NOMO3: variants seen among roughly 807,000 people sequenced by gnomAD.
NOMO3 encodes the protein BOS complex subunit NOMO3.
Under a neutral mutation model 69.9 loss-of-function variants are expected in NOMO3, and 15 were observed. The observed-to-expected ratio is 0.21, with a 90% confidence interval of 0.14 to 0.33. The LOEUF (loss-of-function observed/expected upper bound fraction) is 0.33, where lower values mean the gene tolerates loss of function less well. Ranked by LOEUF, NOMO3 falls within the 10% of genes least tolerant of loss-of-function variation. NOMO3 has a pLI of 1.00. For synonymous variants in NOMO3, 89 were observed against 301.9 expected, an observed-to-expected ratio of 0.29 and a Z score of 7.31; for missense variants, 218 against 761.0, an observed-to-expected ratio of 0.29 and a Z score of 8.39.
intron 6 of NOMO3, among the ~76,000 whole-genome samples, chr16:16,248,789 A>G (rs2606843): frequency 3.5e-4 from 53 of 150,514 alleles, no homozygotes; most frequent in African/African-American, 1.3e-3. Context: ...GAAAAATTAT[A>G]AAGACATGTA....
chr16:16,236,455 C>T (rs1488673192), intron 1 of NOMO3, among the ~76,000 whole-genome samples: 1 of 143,014 alleles, frequency 7.0e-6, no homozygotes, highest in Non-Finnish European at 1.5e-5. Flanking sequence ...ACCTTGTTGG[C>T]CAGGCTGGTC....
chr16:16,235,446 C>A lies in NOMO3; in HGVS notation c.166-1455C>A, dbSNP rs529099696. 4.1e-4 allele frequency among the ~76,000 whole-genome samples: 61 copies of A among 149,254 alleles called. 7 individuals are homozygous for A. Among genetic ancestry groups the A allele is most frequent in the African/African-American group, 1.5e-3 (60 of 38,958 alleles). ...AGCCCAGTATGTTCCCTACGTATTA[C>A]ACTGTGTTGCCTTTTTCTTCAGAGA... On this transcript the variant is annotated intron_variant, in intron 1 of 30. Coordinates refer to ENST00000399336, the MANE Select transcript of NOMO3 (RefSeq NM_001004067.4).
chr16:16,238,234 CTTT>C (rs539081532), intron 2 of NOMO3, among the ~76,000 whole-genome samples: 4 of 122,480 alleles, frequency 3.3e-5, no homozygotes, highest in Non-Finnish European at 4.9e-5. Context: ...GATCTACTGA[CTTT>C]TTTTTTTTTT....
rs2049678448 is a variant in NOMO3 at position 16,274,211 on chromosome 16, G to A, written c.2356+136G>A. 3.0e-6 allele frequency: 3 copies of A among 988,312 alleles called. No individual in the cohort carries two copies. In the South Asian group the frequency reaches 4.6e-5, roughly 15 times the overall value. 61.2% of individuals were successfully genotyped at this position (988,312 alleles called of 1,614,324 possible). A position where few individuals can be genotyped will look rare whatever the true frequency, so the allele number is the denominator to read the frequency against. On this transcript the variant is annotated intron_variant, in intron 20 of 30. Coordinates refer to ENST00000399336, the MANE Select transcript of NOMO3 (RefSeq NM_001004067.4). The stretch of plus-strand genomic sequence containing the variant: ...CTTACATCCTCTCTGGCACACAGAT[G>A]TTACTGTTGGTTGGATGGATGGATG...
rs533233344 is a variant in NOMO3 at position 16,255,617 on chromosome 16, G to A, written c.964-103G>A. The A allele has an allele frequency of 2.1e-3, 1,396 of 672,192 alleles. 195 individuals carry two copies. In the African/African-American group the frequency reaches 0.027, roughly 13 times the overall value. 41.6% of individuals were successfully genotyped at this position (672,192 alleles called of 1,614,324 possible). On this transcript the variant is annotated intron_variant, in intron 9 of 30. Transcript: ENST00000399336. ...GGGCACTGAGTGTTGGGAGGTGGGC[G>A]GCAGGAGCAGACATGGTAGGTGGTG...
chr16:16,251,146 A>G, intron 7 of NOMO3, 66 bp downstream of exon 7: 1 of 582,178 alleles, frequency 1.7e-6, no homozygotes, highest in South Asian at 2.0e-5. Context: ...ATAGACCAGA[A>G]CGTACTGTTT....
intron 3 of NOMO3, among the ~76,000 whole-genome samples, chr16:16,240,780 G>T (rs2049368436): frequency 7.0e-6 from 1 of 143,052 alleles, no homozygotes; most frequent in Admixed American, 6.8e-5. Flanking sequence ...AGACAAGGAA[G>T]AATTTAGCAC....
intron 6 of NOMO3, among the ~76,000 whole-genome samples, chr16:16,248,177 T>C (rs2049429071): frequency 5.4e-5 from 1 of 18,512 alleles, no homozygotes; most frequent in Non-Finnish European, 1.1e-4. Flanking sequence ...ACCTCGGCCT[T>C]CTGTGTCCAA....
At chr16:16,268,374 G>A (rs991973151) in intron 16 of NOMO3, among the ~76,000 whole-genome samples, 3 of 145,928 alleles carry the variant, frequency 2.1e-5, no homozygotes, top group Admixed American at 6.6e-5. Flanking sequence ...CGAGGGTTCC[G>A]GTTTCTTCAC....
chr16:16,249,600 AT>A (rs2049446123), intron 6 of NOMO3, among the ~76,000 whole-genome samples: 2 of 140,452 alleles, frequency 1.4e-5, no homozygotes, highest in African/African-American at 6.0e-5. Flanking sequence ...AAAAAAAAAA[AT>A]TTATTCGAAA....
Position 16,265,167 on chromosome 16 carries a change from C to T in NOMO3, c.1794C>T (p.His598=), listed in dbSNP as rs766624273. Residue 598 remains histidine (H), a synonymous_variant, in exon 15 of 31, where the codon CAC becomes CAT. Coordinates refer to ENST00000399336, the MANE Select transcript of NOMO3 (RefSeq NM_001004067.4). ...ACATGCTGAGATGTTCCCTGTCTCA[C>T]GCCATCACTCTGGTATGTACGGCTT... ...TGYMLRCSLS[H]AITLEFYQDG... 2.6e-5 allele frequency: 41 copies of T among 1,586,858 alleles called. 2 individuals are homozygous for T. In the Admixed American group the frequency reaches 2.9e-4, roughly 11 times the overall value.
At chr16:16,265,268 G>C in intron 15 of NOMO3, 89 bp downstream of exon 15, 1 of 1,586,136 alleles carries the variant, frequency 6.3e-7, no homozygotes, top group Admixed American at 1.7e-5. Flanking sequence ...TATTGTAAAC[G>C]TAGGCAAGTC....
rs1377922287 is a variant in NOMO3 at position 16,265,552 on chromosome 16, G to A, written c.1806+373G>A. 3.9e-5 allele frequency among the ~76,000 whole-genome samples: 5 copies of A among 128,798 alleles called. No individual in the cohort carries two copies. In the South Asian group the frequency reaches 1.3e-3, roughly 33 times the overall value. The allele number at this position is 128,798 out of a possible 152,430, so 84.5% of individuals were successfully genotyped here. A position where few individuals can be genotyped will look rare whatever the true frequency, so the allele number is the denominator to read the frequency against. ...TGAGATCTTAATACCTACTTCTCAG[G>A]GTTATGGCAGGGCTTAAGTGAACCC... On this transcript the variant is annotated intron_variant, in intron 15 of 30. Transcript: ENST00000399336.
chr16:16,232,626 C>G lies in NOMO3; in HGVS notation c.-41C>G. ...GCGGCGTGCAGTGTGAGGGGCGGGA[C>G]CCGGCTGCCGGCGGTGGGTCTAGCT... On this transcript the variant is annotated 5_prime_UTR_variant, in exon 1 of 31. Coordinates refer to ENST00000399336, the MANE Select transcript of NOMO3 (RefSeq NM_001004067.4). 1 of 432,546 alleles carries G rather than the reference C, an allele frequency of 2.3e-6. No homozygotes were observed. The highest frequency in any genetic ancestry group is 3.9e-6 in the Non-Finnish European group (1 of 258,486). 26.8% of individuals were successfully genotyped at this position (432,546 alleles called of 1,614,324 possible).
At chr16:16,235,117 G>A (rs1453104242) in intron 1 of NOMO3, among the ~76,000 whole-genome samples, 1 of 151,252 alleles carries the variant, frequency 6.6e-6, no homozygotes, top group Non-Finnish European at 1.5e-5. Context: ...CAGGCACTGG[G>A]GAATGAAGTT....
chr16:16,241,619 G>T (rs1454254419), intron 3 of NOMO3, among the ~76,000 whole-genome samples: 1 of 112,232 alleles, frequency 8.9e-6, no homozygotes, highest in Non-Finnish European at 1.7e-5. Context: ...GTTGACCCAG[G>T]CTGGTCTCGA....
At position 16,256,102 on chromosome 16, in the gene NOMO3, G is replaced by C; in HGVS notation, c.1164G>C (p.Thr388=). The C allele has an allele frequency of 1.3e-6, 2 of 1,586,180 alleles. No individual in the cohort carries two copies. The highest frequency in any genetic ancestry group is 1.7e-6 in the Non-Finnish European group (2 of 1,174,542). ...HAQKEHLYFE[T]VTIKIAPNTP... ...AGAAAGAGCACCTCTACTTTGAAACGGTCACCATCAAAATTGCACCAAACA... is the reference window on the plus strand; with the variant it reads ...AGAAAGAGCACCTCTACTTTGAAACCGTCACCATCAAAATTGCACCAAACA... The change falls in exon 11 of 31, where the codon ACG becomes ACC. Residue 388 remains threonine, a synonymous_variant. Coordinates refer to ENST00000399336, the MANE Select transcript of NOMO3 (RefSeq NM_001004067.4).
intron 2 of NOMO3, among the ~76,000 whole-genome samples, chr16:16,238,479 G>A (rs71257631): frequency 0.24 from 33,559 of 138,582 alleles, 5,673 homozygotes; most frequent in Non-Finnish European, 0.31. Context: ...CAGGTGATCC[G>A]CCCACCTCAG....
At chr16:16,258,837 C>G (rs2049540508) in intron 11 of NOMO3, among the ~76,000 whole-genome samples, 1 of 141,504 alleles carries the variant, frequency 7.1e-6, no homozygotes, top group South Asian at 2.3e-4. Context: ...TGCACTCCAG[C>G]CTGGGCGACA....
Sources: gnomAD v4.1 joint callset for allele counts (sites outside exome capture counted in the v4.1 genomes callset) on GRCh38, gnomAD v4.1.1 for gene constraint, MANE v1.5 for transcripts, NCBI Gene and HGNC (gene_info 2026-07-23, HGNC 2026-07-21) for gene names.